DNAH11: variants seen among roughly 807,000 people sequenced by gnomAD.
DNAH11 encodes axonemal beta dynein heavy chain 11.
DNAH11 carries 442 observed loss-of-function variants against 526.0 expected under a neutral mutation model. The ratio of observed to expected loss-of-function variants is 0.84; its 90% CI spans 0.78 to 0.91. The LOEUF (loss-of-function observed/expected upper bound fraction) is 0.91. Ranked by LOEUF, DNAH11 falls within the 40% of genes least tolerant of loss-of-function variation. DNAH11 has a pLI of 0.00. For missense variants in DNAH11, 6,989 were observed against 5,448.7 expected (o/e 1.28, Z -8.90); for synonymous variants, 2,461 against 1,935.9 (o/e 1.27, Z -7.12).
rs1016229518 is a variant in DNAH11 at position 21,607,824 on chromosome 7, A to G, written c.3852+1091A>G. Among the ~76,000 whole-genome samples the G allele has an allele frequency of 2.8e-4, 43 of 151,468 alleles. No homozygotes were observed. The Admixed American group carries it at 2.8e-3, about 10-fold the overall frequency. On this transcript the variant is annotated intron_variant, in intron 20 of 81. Coordinates refer to ENST00000409508, the MANE Select transcript of DNAH11 (RefSeq NM_001277115.2). ...ATGGTGGTGGGTGCCTGTAGTCCCA[A>G]CTACTCAGGAGGCTGAGGCAGGGGA...
In DNAH11 at chr7:21,559,719, T is replaced by C; in HGVS notation, c.809T>C (p.Leu270Pro). 6.2e-7 allele frequency: 1 copy of C among 1,609,850 alleles called. No individual in the cohort carries two copies. The highest frequency in any genetic ancestry group is 8.5e-7 in the Non-Finnish European group (1 of 1,177,900). The change falls in exon 4 of 82, where the codon CTT (leucine) becomes CCT (proline). Residue 270 changes from leucine (L) to proline (P), a missense_variant. Physicochemically the swap from Leu to Pro is moderately conservative, Grantham distance 98. Transcript: ENST00000409508. ...RDSVQRLLNG[L>P]HLSPQAELDF... ...TCAGTGCAGCGTTTGTTGAATGGTC[T>C]TCACTTGTCTCCTCAAGCAGAACTA...
intron 51 of DNAH11, 64 bp downstream of exon 51, chr7:21,745,127 A>G: frequency 2.0e-6 from 3 of 1,491,328 alleles, no homozygotes; most frequent in Non-Finnish European, 2.7e-6. Flanking sequence ...CACTACTGTC[A>G]TTTTTCAATA....
At chr7:21,571,221 T>C (rs1783875135) in intron 7 of DNAH11, among the ~76,000 whole-genome samples, 1 of 152,104 alleles carries the variant, frequency 6.6e-6, no homozygotes, top group African/African-American at 2.4e-5. Flanking sequence ...AGATATAAAA[T>C]TGGGGGAGTT....
At chr7:21,830,130 G>A (rs893921425) in intron 65 of DNAH11, among the ~76,000 whole-genome samples, 2 of 152,178 alleles carry the variant, frequency 1.3e-5, no homozygotes, top group Admixed American at 1.3e-4. Flanking sequence ...ATTTATAGAT[G>A]ATACGTATTT....
chr7:21,615,098 T>A lies in DNAH11; in HGVS notation c.3853-16T>A, dbSNP rs377295132. On this transcript the variant is annotated splice_polypyrimidine_tract_variant and intron_variant, in intron 20 of 81. Coordinates refer to ENST00000409508, the MANE Select transcript of DNAH11 (RefSeq NM_001277115.2). ...CTCTGGCAGTTTGTATGCAGGTGTT[T>A]ATGTTCTCTCCTTAGGCAAATGAAG... 1,549 of 1,595,316 alleles carry A rather than the reference T, an allele frequency of 9.7e-4. 1 individual carries two copies. The highest frequency in any genetic ancestry group is 1.2e-3 in the Non-Finnish European group (1,357 of 1,173,662).
rs951201487 is a variant in DNAH11 at position 21,854,302 on chromosome 7, G to C, written c.11062-13G>C. On this transcript the variant is annotated splice_polypyrimidine_tract_variant and intron_variant, in intron 67 of 81. Transcript: ENST00000409508. ...AGTAAATAAGTTACTTATTTTGTTT[G>C]ATCCCACCATAGGTGATTGAAGCCA... 3 of 1,612,020 alleles carry C rather than the reference G, an allele frequency of 1.9e-6. No individual in the cohort carries two copies. The highest frequency in any genetic ancestry group is 1.7e-5 in the Admixed American group (1 of 59,758).
At chr7:21,553,997 G>C (rs1293791477) in intron 2 of DNAH11, among the ~76,000 whole-genome samples, 3 of 151,928 alleles carry the variant, frequency 2.0e-5, no homozygotes, top group Non-Finnish European at 4.4e-5. Flanking sequence ...ATCTAATCTG[G>C]AGTATTTTCT....
chr7:21,637,575 C>G (rs763291353), intron 26 of DNAH11, 36 bp from the exon 27 acceptor site: 13 of 1,283,720 alleles, frequency 1.0e-5, no homozygotes, highest in Admixed American at 4.0e-5. Flanking sequence ...AAAGATTGTT[C>G]TAATATCCAC....
chr7:21,739,528 A>T (rs567493107), intron 47 of DNAH11, 43 bp from the exon 48 acceptor site: 2 of 1,531,268 alleles, frequency 1.3e-6, no homozygotes, highest in East Asian at 2.3e-5. Flanking sequence ...CTCTTTTGTC[A>T]TCTCCAGTTT....
intron 72 of DNAH11, among the ~76,000 whole-genome samples, chr7:21,868,494 T>A (rs1343865484): frequency 2.1e-5 from 1 of 48,528 alleles, no homozygotes; most frequent in Non-Finnish European, 5.2e-5. Context: ...AATGAACAGA[T>A]CCATTCAAAA....
chr7:21,666,198 T>A (rs1451924528), intron 30 of DNAH11, among the ~76,000 whole-genome samples: 1 of 152,112 alleles, frequency 6.6e-6, no homozygotes, highest in African/African-American at 2.4e-5. Context: ...CTATGGTGAT[T>A]GCATATTAGT....
At chr7:21,884,544 A>G in intron 76 of DNAH11, 134 bp downstream of exon 76, 1 of 1,003,880 alleles carries the variant, frequency 1.0e-6, no homozygotes, top group Non-Finnish European at 1.4e-6. Context: ...GAAATTTCTT[A>G]GAAAAGCGGA....
chr7:21,806,830 T>C (rs1789283094), intron 62 of DNAH11, among the ~76,000 whole-genome samples: 1 of 152,216 alleles, frequency 6.6e-6, no homozygotes, highest in African/African-American at 2.4e-5. Context: ...GGGCTTCACA[T>C]ACTTAACCTG....
In DNAH11 at chr7:21,892,353, C is replaced by T. The variant is rs183319519; in HGVS notation, c.12508-72C>T. The T allele has an allele frequency of 7.3e-4, 1,119 of 1,541,154 alleles. 2 individuals carry two copies. Among genetic ancestry groups the T allele is most frequent in the Non-Finnish European group, 8.9e-4 (1,021 of 1,144,460 alleles). ...TGGAGCCTTCTTGTCAGGGTCTTCT[C>T]GAAGTGTTGAGGAAGTGAAAATGGA... On this transcript the variant is annotated intron_variant, in intron 76 of 81. Coordinates refer to ENST00000409508, the MANE Select transcript of DNAH11 (RefSeq NM_001277115.2).
At chr7:21,900,784 G>T in intron 81 of DNAH11, 2 of 479,462 alleles carry the variant, frequency 4.2e-6, no homozygotes, top group Non-Finnish European at 3.4e-6. Context: ...ACTTCCACAG[G>T]AAAGTTTAAC....
intron 25 of DNAH11, among the ~76,000 whole-genome samples, chr7:21,634,912 TACTA>T (rs1786784619): frequency 6.6e-6 from 1 of 152,210 alleles, no homozygotes; most frequent in Non-Finnish European, 1.5e-5. Flanking sequence ...GTTTCAGACA[TACTA>T]ACCATATTTT....
rs182683911 is a variant in DNAH11, at chr7:21,639,606, C to G, written c.4944+541C>G. On this transcript the variant is annotated intron_variant, in intron 28 of 81. Coordinates refer to ENST00000409508, the MANE Select transcript of DNAH11 (RefSeq NM_001277115.2). ...ATCACCTTTTTGCTGATTCCCATGT[C>G]AATATTTAAAGCAAATAAAAACAGA... 1.8e-3 allele frequency among the ~76,000 whole-genome samples: 281 copies of G among 152,284 alleles called. 1 individual carries two copies. The highest frequency in any genetic ancestry group is 2.8e-3 in the Non-Finnish European group (192 of 68,022).
chr7:21,547,611 C>A (rs751363271), intron 2 of DNAH11, among the ~76,000 whole-genome samples: 1 of 152,120 alleles, frequency 6.6e-6, no homozygotes, highest in Non-Finnish European at 1.5e-5. Flanking sequence ...TTTGATTTCC[C>A]AATAACGAAA....
At chr7:21,808,957 A>G (rs1319732688) in intron 63 of DNAH11, among the ~76,000 whole-genome samples, 1 of 152,172 alleles carries the variant, frequency 6.6e-6, no homozygotes, top group East Asian at 1.9e-4. Context: ...GAACCTCCAT[A>G]CTGTTTTCTG....
Sources: gnomAD v4.1 joint callset for allele counts (sites outside exome capture counted in the v4.1 genomes callset) on GRCh38, gnomAD v4.1.1 for gene constraint, MANE v1.5 for transcripts, NCBI Gene and HGNC (gene_info 2026-07-23, HGNC 2026-07-21) for gene names.